Variants in SGCZ observed in about 807,000 individuals in gnomAD.
SGCZ encodes zeta-sarcoglycan.
Under a neutral mutation model 41.3 loss-of-function variants are expected in SGCZ, and 40 were observed. The ratio of observed to expected loss-of-function variants is 0.97; its 90% CI spans 0.75 to 1.26. The LOEUF (loss-of-function observed/expected upper bound fraction) is 1.26. Ranked by LOEUF, SGCZ falls within the 50% of genes most tolerant of loss-of-function variation. The probability of loss-of-function intolerance (pLI) is 0.00; values close to 1 mark genes in which losing one functional copy is unlikely to be tolerated. For synonymous variants in SGCZ, 206 were observed against 137.5 expected, an observed-to-expected ratio of 1.50 and a Z score of -3.49; for missense variants, 552 against 369.8, an observed-to-expected ratio of 1.49 and a Z score of -4.04.
Position 14,085,943 on chromosome 8 carries a change from C to G in SGCZ, c.*4500G>C, listed in dbSNP as rs150829702. Among the ~76,000 whole-genome samples, 1 of 151,682 alleles carries G rather than the reference C, an allele frequency of 6.6e-6. No individual in the cohort carries two copies. Among genetic ancestry groups the G allele is most frequent in the Admixed American group, 6.6e-5 (1 of 15,170 alleles). On this transcript the variant is annotated 3_prime_UTR_variant, in exon 8 of 8. Coordinates refer to ENST00000382080, the MANE Select transcript of SGCZ (RefSeq NM_139167.4). Reference sequence around the variant, plus strand: ...TCTTTGGTCTTTGACATTTAAACAACTAATAAATTTCAGTATAAAACAACA... The same window carrying G: ...TCTTTGGTCTTTGACATTTAAACAAGTAATAAATTTCAGTATAAAACAACA...
chr8:14,362,385 C>T (rs993391127), intron 2 of SGCZ, among the ~76,000 whole-genome samples: 3 of 152,208 alleles, frequency 2.0e-5, no homozygotes, highest in African/African-American at 7.2e-5. Context: ...GAACTGCCTA[C>T]TCAAGCCTCA....
intron 1 of SGCZ, among the ~76,000 whole-genome samples, chr8:14,725,163 G>A (rs1810009774): frequency 6.6e-6 from 1 of 152,108 alleles, no homozygotes; most frequent in South Asian, 2.1e-4. Context: ...CCATGGTGTT[G>A]CAAATGACAG....
chr8:15,215,358 G>A (rs1801364172), intron 1 of SGCZ, among the ~76,000 whole-genome samples: 1 of 152,164 alleles, frequency 6.6e-6, no homozygotes, highest in Admixed American at 6.5e-5. Flanking sequence ...AAACCTTTCA[G>A]AAAAATTCCA....
At chr8:14,452,375 C>T (rs562115090) in intron 2 of SGCZ, among the ~76,000 whole-genome samples, 225 of 151,998 alleles carry the variant, frequency 1.5e-3, no homozygotes, top group African/African-American at 5.2e-3. Flanking sequence ...GATATCGTAA[C>T]GGTGGATACA....
intron 5 of SGCZ, among the ~76,000 whole-genome samples, chr8:14,109,778 C>T (rs796839822): frequency 6.6e-6 from 1 of 152,020 alleles, no homozygotes; most frequent in Non-Finnish European, 1.5e-5. Flanking sequence ...ATGAATAGAA[C>T]AGGAAGAGAT....
chr8:14,771,870 G>C (rs556591103), intron 1 of SGCZ, among the ~76,000 whole-genome samples: 7 of 151,996 alleles, frequency 4.6e-5, no homozygotes, highest in African/African-American at 1.7e-4. Context: ...CATGTAATTT[G>C]AATCAATATA....
At chr8:14,807,547 A>G (rs1563283473) in intron 1 of SGCZ, among the ~76,000 whole-genome samples, 1 of 151,914 alleles carries the variant, frequency 6.6e-6, no homozygotes, top group Non-Finnish European at 1.5e-5. Context: ...CTCTTCAAGG[A>G]GAACTACAAA....
chr8:15,228,126 T>C (rs771058192), intron 1 of SGCZ, among the ~76,000 whole-genome samples: 2 of 152,246 alleles, frequency 1.3e-5, no homozygotes, highest in Non-Finnish European at 2.9e-5. Context: ...CATTAAGAGC[T>C]ATTAATGTTT....
chr8:14,712,262 G>C (rs976323570), intron 1 of SGCZ, among the ~76,000 whole-genome samples: 1 of 152,094 alleles, frequency 6.6e-6, no homozygotes, highest in Non-Finnish European at 1.5e-5. Flanking sequence ...CTTCAGCTCC[G>C]TCCTGAAACC....
chr8:15,113,597 C>T (rs922951251), intron 1 of SGCZ, among the ~76,000 whole-genome samples: 8 of 152,180 alleles, frequency 5.3e-5, no homozygotes, highest in African/African-American at 1.2e-4. Flanking sequence ...CATGTCTCTT[C>T]GGCATGAACT....
intron 1 of SGCZ, among the ~76,000 whole-genome samples, chr8:15,064,852 G>C (rs968774059): frequency 2.6e-5 from 4 of 152,066 alleles, no homozygotes; most frequent in Non-Finnish European, 4.4e-5. Flanking sequence ...TCTGTGTAGA[G>C]AGAGCAGGAT....
At chr8:15,009,484 A>T (rs1193987888) in intron 1 of SGCZ, among the ~76,000 whole-genome samples, 3 of 152,220 alleles carry the variant, frequency 2.0e-5, no homozygotes, top group Non-Finnish European at 2.9e-5. Context: ...TATCTCAATA[A>T]GAAGGTTTAG....
chr8:15,033,097 G>C (rs1377621296), intron 1 of SGCZ, among the ~76,000 whole-genome samples: 1 of 152,002 alleles, frequency 6.6e-6, no homozygotes, highest in Non-Finnish European at 1.5e-5. Flanking sequence ...TCAAGCTCTA[G>C]TAGGCTCAGG....
At chr8:14,708,620 G>A (rs566604858) in intron 1 of SGCZ, among the ~76,000 whole-genome samples, 1 of 151,918 alleles carries the variant, frequency 6.6e-6, no homozygotes, top group Non-Finnish European at 1.5e-5. Context: ...CAGAAAACTG[G>A]TTTTAACAAT....
chr8:14,670,879 G>A (rs1808079577), intron 1 of SGCZ, among the ~76,000 whole-genome samples: 1 of 152,162 alleles, frequency 6.6e-6, no homozygotes, highest in Non-Finnish European at 1.5e-5. Context: ...AAGCTATCTG[G>A]CTGCACAGCC....
intron 1 of SGCZ, among the ~76,000 whole-genome samples, chr8:15,038,944 C>G (rs1056968124): frequency 6.6e-6 from 1 of 151,874 alleles, no homozygotes. Flanking sequence ...CTACCTCATA[C>G]CTGCTAGGAT....
chr8:15,092,298 G>C (rs752958935), intron 1 of SGCZ, among the ~76,000 whole-genome samples: 6 of 152,144 alleles, frequency 3.9e-5, no homozygotes, highest in Admixed American at 6.5e-5. Flanking sequence ...TCTAGAATCA[G>C]TACTACAGTA....
intron 3 of SGCZ, among the ~76,000 whole-genome samples, chr8:14,241,306 T>G (rs1341688606): frequency 2.0e-5 from 3 of 151,712 alleles, no homozygotes; most frequent in African/African-American, 7.2e-5. Flanking sequence ...GAGAGAAATC[T>G]ATTTTGTTGA....
At chr8:14,881,908 C>G (rs1329005989) in intron 1 of SGCZ, among the ~76,000 whole-genome samples, 1 of 152,154 alleles carries the variant, frequency 6.6e-6, no homozygotes, top group Non-Finnish European at 1.5e-5. Flanking sequence ...AATTAGAACT[C>G]AGGATTAAGA....
Sources: allele counts gnomAD v4.1 joint callset (sites outside exome capture counted in the v4.1 genomes callset), GRCh38; gene constraint gnomAD v4.1.1; transcripts MANE v1.5; gene names NCBI Gene and HGNC (gene_info 2026-07-23, HGNC 2026-07-21).